Variants in FEZF1 observed in about 807,000 individuals in gnomAD.
FEZF1 encodes FEZ family zinc finger 1, also known as fez family zinc finger protein 1.
In FEZF1, 8 loss-of-function variants were observed where a neutral mutation model predicts 32.4. The observed-to-expected ratio is 0.25, with a 90% CI of 0.15 to 0.45. The LOEUF is 0.45. Ranked by LOEUF, FEZF1 falls within the 20% of genes least tolerant of loss-of-function variation. The pLI is 1.00. For missense variants in FEZF1, 546 were observed against 622.3 expected (o/e 0.88, Z 1.31); for synonymous variants, 259 against 265.2 (o/e 0.98, Z 0.23).
intron 1 of FEZF1, chr7:122,310,155 G>A (rs1256004397): frequency 6.6e-6 from 1 of 152,366 alleles, no homozygotes; most frequent in Non-Finnish European, 1.5e-5. Context: ...GAGCTAGAAA[G>A]CTCTAAGAAC....
upstream of FEZF1, among the ~76,000 whole-genome samples, chr7:122,309,289 G>T (rs1044479191): frequency 6.6e-6 from 1 of 152,208 alleles, no homozygotes; most frequent in Non-Finnish European, 1.5e-5. Context: ...ATGTGGGAAG[G>T]GTTGATTAAC....
chr7:122,305,467 G>A (rs1004400170), upstream of FEZF1: 1 of 152,264 alleles, frequency 6.6e-6, no homozygotes, highest in Non-Finnish European at 1.5e-5. Flanking sequence ...ATAGGCCTGG[G>A]AAAGTCGCAC....
At chr7:122,303,520 A>AGGGAG (rs2031129127) in intron 1 of FEZF1, 117 bp downstream of exon 1, 2 of 500,102 alleles carry the variant, frequency 4.0e-6, no homozygotes, top group African/African-American at 2.7e-5. Context: ...GAAGGAAGGA[A>AGGGAG]GGAAGGAAGG....
Position 122,304,674 on chromosome 7 carries a change from T to C in FEZF1, c.-237A>G. 2.3e-6 allele frequency: 1 copy of C among 434,358 alleles called. No homozygotes were observed. Among genetic ancestry groups the C allele is most frequent in the Admixed American group, 3.4e-5 (1 of 29,540 alleles). The allele number at this position is 434,358 out of a possible 1,614,324, so 26.9% of individuals were successfully genotyped here. On this transcript the variant is annotated 5_prime_UTR_variant, in exon 1 of 4. The change creates a new upstream start codon in the 5' untranslated region. Coordinates refer to ENST00000442488, the MANE Select transcript of FEZF1 (RefSeq NM_001024613.4). ...CTCGGGGACAATCACTACTTATTTC[T>C]ATCAATAGAAAGTGTTGTGTCAATA... is the stretch of plus-strand genomic sequence containing the variant.
At chr7:122,303,536 AGGAGGGAG>A (rs1390465466) in intron 1 of FEZF1, 93 bp downstream of exon 1, 377 of 325,168 alleles carry the variant, frequency 1.2e-3, no homozygotes, top group Middle Eastern at 2.4e-3. Flanking sequence ...GAAGGAAGGA[AGGAGGGAG>A]GGAAGGAAGG....
At position 122,304,390 on chromosome 7, in the gene FEZF1, A is replaced by C. The variant is rs942350302; in HGVS notation, c.48T>G (p.Ala16=). ...HNATTKMLAT[A]PARGNMMSTS... is the part of the protein sequence containing the mutation. ...TGCTCATCATGTTGCCCCGAGCTGG[A>C]GCAGTCGCTAACATTTTGGTAGTCG... Residue 16 remains alanine, a synonymous_variant, in exon 1 of 4, where the codon GCT becomes GCG. Coordinates refer to ENST00000442488, the MANE Select transcript of FEZF1 (RefSeq NM_001024613.4). The C allele has an allele frequency of 1.9e-6, 3 of 1,589,924 alleles. No individual in the cohort carries two copies. The highest frequency in any genetic ancestry group is 2.6e-6 in the Non-Finnish European group (3 of 1,165,674).
rs899938270 is a variant in FEZF1, at chr7:122,304,611, C to T, written c.-174G>A. 13 of 482,738 alleles carry T rather than the reference C, an allele frequency of 2.7e-5. No homozygotes were observed. In the Admixed American group the frequency reaches 4.0e-4, roughly 15 times the overall value. 29.9% of individuals were successfully genotyped at this position (482,738 alleles called of 1,614,324 possible). Reference sequence around the variant, plus strand: ...ACCTGCCTGCCCAGCCCAATGGACTCCTGCCAGCCCATCGCAGAGTTCTTG... The same window carrying T: ...ACCTGCCTGCCCAGCCCAATGGACTTCTGCCAGCCCATCGCAGAGTTCTTG... On this transcript the variant is annotated 5_prime_UTR_variant, in exon 1 of 4. Transcript: ENST00000442488.
intron 1 of FEZF1, 84 bp from the exon 2 acceptor site, chr7:122,303,395 G>T: frequency 6.6e-7 from 1 of 1,522,094 alleles, no homozygotes; most frequent in Non-Finnish European, 9.0e-7. Context: ...AGGAGGAAGA[G>T]AATCTTAACA....
chr7:122,303,633 T>C lies in FEZF1; in HGVS notation c.801+4A>G. ...AAAGGATCTCCGTTTTGCATTGTAC[T>C]TGCCTTTCCACACACTTCGCAAGTG... On this transcript the variant is annotated splice_donor_region_variant and intron_variant, in intron 1 of 3. Transcript: ENST00000442488. 2 of 1,611,298 alleles carry C rather than the reference T, an allele frequency of 1.2e-6. No individual in the cohort carries two copies. The highest frequency in any genetic ancestry group is 1.7e-6 in the Non-Finnish European group (2 of 1,178,398).
chr7:122,308,342 G>T (rs1312583466), upstream of FEZF1: 1 of 152,088 alleles, frequency 6.6e-6, no homozygotes, highest in Admixed American at 6.5e-5. Context: ...CAAACTCTGT[G>T]TTAAGATCTA....
At position 122,303,851 on chromosome 7, in the gene FEZF1, G is replaced by A. The variant is rs780100491; in HGVS notation, c.587C>T (p.Thr196Met). ...LSSPLHPQPK[T>M]YLAERNKLVV... is the part of the protein sequence containing the mutation. ...CAGTTTATTCCTTTCGGCTAAATAC[G>A]TTTTTGGCTGCGGGTGCAAAGGGGA... The change falls in exon 1 of 4, where the codon ACG becomes ATG. Residue 196 changes from threonine to methionine, a missense_variant. Around this residue, in one of 3 missense-constraint regions of FEZF1, gnomAD observed 345 missense variants for 360.6 expected, o/e 0.96. Transcript: ENST00000442488. 6.2e-7 allele frequency: 1 copy of A among 1,614,214 alleles called. No homozygotes were observed. Among genetic ancestry groups the A allele is most frequent in the South Asian group, 1.1e-5 (1 of 91,084 alleles).
At position 122,304,524 on chromosome 7, in the gene FEZF1, G is replaced by A; in HGVS notation, c.-87C>T. ...GCTTGTCACAGACCTGCGGAGAGGG[G>A]GACGGGCACCATCACCACCAGTAGC... On this transcript the variant is annotated 5_prime_UTR_variant, in exon 1 of 4. Coordinates refer to ENST00000442488, the MANE Select transcript of FEZF1 (RefSeq NM_001024613.4). The A allele has an allele frequency of 8.4e-7, 1 of 1,190,224 alleles. No individual in the cohort carries two copies. The highest frequency in any genetic ancestry group is 1.2e-6 in the Non-Finnish European group (1 of 869,218). The allele number at this position is 1,190,224 out of a possible 1,614,324, so 73.7% of individuals were successfully genotyped here.
At chr7:122,303,094 T>A (rs1319523180) in intron 2 of FEZF1, 83 bp downstream of exon 2, 1 of 1,590,434 alleles carries the variant, frequency 6.3e-7, no homozygotes, top group Non-Finnish European at 8.6e-7. Flanking sequence ...ATGAACGTTA[T>A]CCTAAAGAGT....
At chr7:122,303,578 G>GAGGA (rs1563042357) in intron 1 of FEZF1, 59 bp downstream of exon 1, 1 of 976,816 alleles carries the variant, frequency 1.0e-6, no homozygotes, top group Non-Finnish European at 1.5e-6. Flanking sequence ...GGGAGGGAGG[G>GAGGA]AAGGAAGGAA....
chr7:122,304,841 G>A (rs2031224320), upstream of FEZF1: 1 of 158,944 alleles, frequency 6.3e-6, no homozygotes, highest in African/African-American at 2.4e-5. Flanking sequence ...TGGTGAGTGA[G>A]GTTCCCCGCC....
At chr7:122,303,459 GA>G in intron 1 of FEZF1, 148 bp from the exon 2 acceptor site, 1 of 1,005,520 alleles carries the variant, frequency 9.9e-7, no homozygotes, top group Non-Finnish European at 1.4e-6. Context: ...GGAAGGAAAG[GA>G]GGAGCGAGGG....
At position 122,302,575 on chromosome 7, in the gene FEZF1, A is replaced by G. The variant is rs2031083104; in HGVS notation, c.1070-220T>C. Among the ~76,000 whole-genome samples the G allele has an allele frequency of 6.6e-6, 1 of 152,200 alleles. No individual in the cohort carries two copies. The highest frequency in any genetic ancestry group is 2.1e-4 in the South Asian group (1 of 4,830). ...TTTCCTTAAATTTTAATACACATTTATCAGTCCAATTACATACAATGAGAG... is the reference window on the plus strand; with the variant it reads ...TTTCCTTAAATTTTAATACACATTTGTCAGTCCAATTACATACAATGAGAG... On this transcript the variant is annotated intron_variant, in intron 3 of 3. Coordinates refer to ENST00000442488, the MANE Select transcript of FEZF1 (RefSeq NM_001024613.4). The surrounding 1 kb of genome is among the most constrained non-coding windows in gnomAD (Gnocchi z 4.4).
chr7:122,302,213 C>T lies in FEZF1; in HGVS notation c.1212G>A (p.Thr404=), dbSNP rs777868515. The T allele has an allele frequency of 3.1e-5, 50 of 1,614,020 alleles. No individual in the cohort carries two copies. In the South Asian group the frequency reaches 5.2e-4, roughly 17 times the overall value. The part of the protein sequence containing the change: ...HNDKKPFTCP[T]CGKGFCRNFD... ...AGTTCCTGCAGAAACCCTTGCCGCA[C>T]GTGGGGCAGGTGAAAGGCTTCTTGT... The change falls in exon 4 of 4, where the codon ACG becomes ACA. Residue 404 remains threonine, a synonymous_variant. Coordinates refer to ENST00000442488, the MANE Select transcript of FEZF1 (RefSeq NM_001024613.4). This position sits in a 1 kb window ranked among gnomAD's most constrained non-coding sequence, Gnocchi z 4.4.
At position 122,301,875 on chromosome 7, in the gene FEZF1, G is replaced by A; in HGVS notation, c.*122C>T. On this transcript the variant is annotated 3_prime_UTR_variant, in exon 4 of 4. Transcript: ENST00000442488. ...CCAGGGGATGCAGAGGCTTCTGGTC[G>A]GCCCTGAAGTGTGGGGCCCAACATG... is the stretch of plus-strand genomic sequence containing the variant. 1 of 1,364,654 alleles carries A rather than the reference G, an allele frequency of 7.3e-7. No individual in the cohort carries two copies. The highest frequency in any genetic ancestry group is 1.5e-5 in the African/African-American group (1 of 68,178). The allele number at this position is 1,364,654 out of a possible 1,614,324, so 84.5% of individuals were successfully genotyped here. A position where few individuals can be genotyped will look rare whatever the true frequency, so the allele number is the denominator to read the frequency against.
Sources: gnomAD v4.1 joint callset for allele counts (sites outside exome capture counted in the v4.1 genomes callset) on GRCh38, gnomAD v4.1.1 for gene constraint, gnomAD v4.1.1 regional missense constraint, Gnocchi (gnomAD v3.1) non-coding constraint, MANE v1.5 for transcripts, NCBI Gene and HGNC (gene_info 2026-07-23, HGNC 2026-07-21) for gene names.